The following MAP2K3 variants were observed in gnomAD, a reference collection of about 807,000 sequenced individuals.
MAP2K3 encodes the protein dual specificity mitogen-activated protein kinase kinase 3.
MAP2K3 carries 30 observed loss-of-function variants against 46.4 expected under a neutral mutation model. The observed-to-expected ratio is 0.65, with a 90% CI of 0.48 to 0.88. The LOEUF (loss-of-function observed/expected upper bound fraction) is 0.88, where lower values mean the gene tolerates loss of function less well. Ranked by LOEUF, MAP2K3 falls within the 40% of genes least tolerant of loss-of-function variation. The pLI, the probability that MAP2K3 is intolerant of heterozygous loss-of-function variation, is 0.00. For synonymous variants in MAP2K3, 189 were observed against 176.3 expected (o/e 1.07, Z -0.57); for missense variants, 380 against 464.5 (o/e 0.82, Z 1.67).
chr17:21,308,336 C>CA (rs1977000815), intron 9 of MAP2K3, among the ~76,000 whole-genome samples: 1 of 152,280 alleles, frequency 6.6e-6, no homozygotes, highest in Non-Finnish European at 1.5e-5. Flanking sequence ...TTAGTAGAGA[C>CA]GGGGTTTTGC....
intron 9 of MAP2K3, among the ~76,000 whole-genome samples, chr17:21,309,859 C>T (rs1238947733): frequency 6.6e-6 from 1 of 152,102 alleles, no homozygotes; most frequent in Non-Finnish European, 1.5e-5. Flanking sequence ...CCACCTTGGC[C>T]TTCCAAAGTG....
At chr17:21,306,339 G>A (rs1011439441) in intron 9 of MAP2K3, among the ~76,000 whole-genome samples, 8 of 152,248 alleles carry the variant, frequency 5.3e-5, no homozygotes, top group African/African-American at 1.4e-4. Flanking sequence ...TGGTTTATCA[G>A]AAAGGATATA....
At chr17:21,296,643 G>C (rs1028059551) in intron 1 of MAP2K3, among the ~76,000 whole-genome samples, 16 of 152,426 alleles carry the variant, frequency 1.0e-4, no homozygotes, top group African/African-American at 3.6e-4. Flanking sequence ...CTCTGAGCCT[G>C]TTCCCCAAGT....
intron 1 of MAP2K3, chr17:21,295,664 G>A: frequency 7.8e-7 from 1 of 1,289,466 alleles, no homozygotes; most frequent in Non-Finnish European, 1.0e-6. Context: ...CAGGCTTGGT[G>A]TCCCCAACAG....
intron 1 of MAP2K3, chr17:21,288,103 G>T: frequency 7.8e-7 from 1 of 1,288,890 alleles, no homozygotes; most frequent in Non-Finnish European, 1.0e-6. Flanking sequence ...TGAGTCAGCG[G>T]GCACTGGGTG....
chr17:21,284,780 TCGC>T lies in MAP2K3; in HGVS notation c.-116_-114del, dbSNP rs889093120. On this transcript the variant is annotated 5_prime_UTR_variant, in exon 1 of 12. Transcript: ENST00000342679. ...GTCGCCGCCGCAGTCCTCGCCGCAGTCGCCGCCGCCGCCGCCGCCGCCGCCGCT... is the reference window on the plus strand; with the variant it reads ...GTCGCCGCCGCAGTCCTCGCCGCAGTCGCCGCCGCCGCCGCCGCCGCCGCT... 4.1e-3 allele frequency: 3,608 copies of T among 878,332 alleles called. No homozygotes were observed. The highest frequency in any genetic ancestry group is 6.4e-3 in the South Asian group (300 of 46,560). The allele number at this position is 878,332 out of a possible 1,614,324, so 54.4% of individuals were successfully genotyped here.
At chr17:21,312,358 CTTTATTCCTTTGGCAAA>C (rs1977208070) in intron 10 of MAP2K3, 77 bp downstream of exon 10, 1 of 1,424,256 alleles carries the variant, frequency 7.0e-7, no homozygotes, top group African/African-American at 1.5e-5. Context: ...GGCCCTGTTC[CTTTATTCCTTTGGCAAA>C]TAAACCCCCA....
chr17:21,296,030 TA>T (rs1976225439), intron 1 of MAP2K3: 1 of 1,285,998 alleles, frequency 7.8e-7, no homozygotes, highest in Non-Finnish European at 1.0e-6. Context: ...ACATCAGGAA[TA>T]AAAGCTACCT....
chr17:21,304,353 A>G (rs1976771515), intron 7 of MAP2K3, 73 bp from the exon 8 acceptor site: 2 of 1,610,404 alleles, frequency 1.2e-6, no homozygotes, highest in South Asian at 2.2e-5. Context: ...AGGGGGGCAC[A>G]GCTATGCAGA....
rs1456206475 is a variant in MAP2K3, at chr17:21,298,348, A to AT, written c.50-64dup. The AT allele has an allele frequency of 1.9e-6, 3 of 1,606,726 alleles. No individual in the cohort carries two copies. The African/African-American group carries it at 4.0e-5, about 21-fold the overall frequency. On this transcript the variant is annotated intron_variant, in intron 1 of 11. Transcript: ENST00000342679. ...CTTGTGGGCCAGGGCCTGATGGCTC[A>AT]TGGGAGTGCAGGGGACATTGATGTC...
Position 21,302,241 on chromosome 17 carries a change from T to TG in MAP2K3, c.502dup (p.Glu168GlyfsTer41). On this transcript the variant is annotated frameshift_variant, in exon 6 of 12. Transcript: ENST00000342679. LOFTEE classifies it high-confidence loss of function. ...ACATGACAATTCCAGAGGACATCCT[T>TG]GGGGAGATTGCTGTGTCTGTGAGTG... The TG allele has an allele frequency of 6.3e-7, 1 of 1,587,098 alleles. No individual in the cohort carries two copies. Among genetic ancestry groups the TG allele is most frequent in the South Asian group, 1.1e-5 (1 of 90,756 alleles).
At chr17:21,287,393 C>T (rs969852531) in intron 1 of MAP2K3, among the ~76,000 whole-genome samples, 1 of 152,238 alleles carries the variant, frequency 6.6e-6, no homozygotes, top group Non-Finnish European at 1.5e-5. Flanking sequence ...TCTGTGCCCA[C>T]CCCATCCTGG....
intron 1 of MAP2K3, chr17:21,288,185 T>G: frequency 9.9e-7 from 1 of 1,015,138 alleles, no homozygotes; most frequent in East Asian, 6.1e-5. Flanking sequence ...GCCTGGTGGG[T>G]GGGGAGGGGG....
intron 9 of MAP2K3, among the ~76,000 whole-genome samples, chr17:21,305,688 A>G (rs1016341040): frequency 2.6e-5 from 4 of 152,300 alleles, no homozygotes; most frequent in Non-Finnish European, 4.4e-5. Flanking sequence ...GCAGAACCCC[A>G]TGCCTTCCGT....
At chr17:21,311,477 A>G (rs1403211483) in intron 9 of MAP2K3, among the ~76,000 whole-genome samples, 3 of 152,106 alleles carry the variant, frequency 2.0e-5, no homozygotes, top group Non-Finnish European at 4.4e-5. Context: ...AGCAGGGCAC[A>G]TGTGGCCACA....
chr17:21,285,048 G>C, intron 1 of MAP2K3, 79 bp downstream of exon 1: 1 of 1,535,354 alleles, frequency 6.5e-7, no homozygotes. Context: ...CCTTTCTTTG[G>C]TCCCACCCCA....
At chr17:21,308,594 A>G in intron 9 of MAP2K3, among the ~76,000 whole-genome samples, 1 of 152,204 alleles carries the variant, frequency 6.6e-6, no homozygotes, top group Non-Finnish European at 1.5e-5. Flanking sequence ...GTGACATGTA[A>G]TTTTTCAATT....
At chr17:21,285,942 C>T (rs1266590932) in intron 1 of MAP2K3, among the ~76,000 whole-genome samples, 1 of 151,590 alleles carries the variant, frequency 6.6e-6, no homozygotes, top group Non-Finnish European at 1.5e-5. Context: ...TTTGGTGCGT[C>T]GGAGTTTCAG....
intron 1 of MAP2K3, chr17:21,291,466 A>T: frequency 2.2e-6 from 1 of 456,488 alleles, no homozygotes; most frequent in Non-Finnish European, 4.4e-6. Context: ...TCGACAGTGC[A>T]GGTGGCTGGC....
Sources: allele counts gnomAD v4.1 joint callset (sites outside exome capture counted in the v4.1 genomes callset), GRCh38; gene constraint gnomAD v4.1.1; transcripts MANE v1.5; gene names NCBI Gene and HGNC (gene_info 2026-07-23, HGNC 2026-07-21).